EPB42: variants seen among roughly 807,000 people sequenced by gnomAD.
The protein encoded by EPB42 is protein 4.2.
EPB42 carries 49 observed loss-of-function variants against 76.9 expected under a neutral mutation model. The observed-to-expected ratio is 0.64, with a 90% CI of 0.51 to 0.81. The LOEUF is 0.81. EPB42 is among the 30% of genes least tolerant of loss of function. EPB42 has a pLI of 0.00. For synonymous variants in EPB42, 310 were observed against 338.4 expected (o/e 0.92, Z 0.92); for missense variants, 731 against 867.6 (o/e 0.84, Z 1.98).
At chr15:43,216,597 A>T in intron 1 of EPB42, 144 bp from the exon 2 acceptor site, 1 of 812,956 alleles carries the variant, frequency 1.2e-6, no homozygotes, top group Admixed American at 2.1e-5. Flanking sequence ...CAAGTAACTT[A>T]ACCACCCTGA....
At chr15:43,222,646 C>T (rs2042472877), upstream of EPB42, among the ~76,000 whole-genome samples, 1 of 152,166 alleles carries the variant, frequency 6.6e-6, no homozygotes, top group African/African-American at 2.4e-5. Context: ...GTGTGACCAG[C>T]CTTCCTAGAT....
Position 43,197,390 on chromosome 15 carries a change from C to A in EPB42, c.1988G>T (p.Arg663Ile). 6.2e-7 allele frequency: 1 copy of A among 1,614,202 alleles called. No individual in the cohort carries two copies. The highest frequency in any genetic ancestry group is 8.5e-7 in the Non-Finnish European group (1 of 1,180,042). The change falls in exon 13 of 13, where the codon AGA becomes ATA. Residue 663 changes from arginine (R) to isoleucine (I), a missense_variant. Transcript: ENST00000441366. ...QFTPTHVGLQ[R>I]LTVEVDCNMF... ...GTTGCAGTCCACTTCCACAGTGAGT[C>A]TCTGGAGCCCCACATGTGTTGGCGT...
chr15:43,208,910 G>T, intron 6 of EPB42, 135 bp from the exon 7 acceptor site: 1 of 1,064,830 alleles, frequency 9.4e-7, no homozygotes, highest in Non-Finnish European at 1.3e-6. Flanking sequence ...CCTAGAAGTG[G>T]CAGCCAAGAA....
At chr15:43,212,475 C>T (rs774184007) in intron 3 of EPB42, among the ~76,000 whole-genome samples, 1 of 152,150 alleles carries the variant, frequency 6.6e-6, no homozygotes, top group Non-Finnish European at 1.5e-5. Flanking sequence ...AGGGAGCTTC[C>T]CAATGGCTTG....
At chr15:43,216,513 C>T in intron 1 of EPB42, 60 bp from the exon 2 acceptor site, 1 of 1,578,496 alleles carries the variant, frequency 6.3e-7, no homozygotes, top group Non-Finnish European at 8.7e-7. Flanking sequence ...TAAGTACAAG[C>T]AGAGATTCTG....
At chr15:43,208,095 T>C in intron 8 of EPB42, 135 bp downstream of exon 8, 1 of 750,602 alleles carries the variant, frequency 1.3e-6, no homozygotes, top group Non-Finnish European at 2.3e-6. Context: ...TTCTGCTGGC[T>C]GCTGTCATGC....
intron 2 of EPB42, 63 bp from the exon 3 acceptor site, chr15:43,215,391 G>C: frequency 6.5e-7 from 1 of 1,539,232 alleles, no homozygotes; most frequent in South Asian, 1.1e-5. Flanking sequence ...GAGTAATAAG[G>C]TCAGGGTATT....
At chr15:43,220,618 A>T in intron 1 of EPB42, 198 bp downstream of exon 1, 1 of 1,021,820 alleles carries the variant, frequency 9.8e-7, no homozygotes, top group Non-Finnish European at 1.5e-6. Flanking sequence ...CAGCCAGCTC[A>T]CTATCACCTC....
In EPB42 at chr15:43,208,746, C is replaced by T. The variant is rs765302713; in HGVS notation, c.862G>A (p.Val288Met). 11 of 1,614,018 alleles carry T rather than the reference C, an allele frequency of 6.8e-6. No homozygotes were observed. Among genetic ancestry groups the T allele is most frequent in the African/African-American group, 4.0e-5 (3 of 74,912 alleles). ...TGTGCTGAGGCAAACGTGGTCACCA[C>T]GCGGGCAGGGATTCCCAGGCATCGC... The part of the protein sequence containing the change: ...VLRCLGIPAR[V>M]VTTFASAQGT... Residue 288 changes from valine (V) to methionine (M), a missense_variant, in exon 7 of 13, where the codon GTG (valine) becomes ATG (methionine). Coordinates refer to ENST00000441366, the MANE Select transcript of EPB42 (RefSeq NM_001114134.2).
At chr15:43,218,835 T>G (rs1161400662) in intron 1 of EPB42, among the ~76,000 whole-genome samples, 1 of 152,232 alleles carries the variant, frequency 6.6e-6, no homozygotes, top group East Asian at 1.9e-4. Flanking sequence ...CATTGACTCC[T>G]GCCTCCCCTT....
At chr15:43,214,045 G>C (rs1000651321) in intron 3 of EPB42, among the ~76,000 whole-genome samples, 1 of 152,236 alleles carries the variant, frequency 6.6e-6, no homozygotes, top group African/African-American at 2.4e-5. Flanking sequence ...GCCTCCTTCA[G>C]GCTGGCAGCA....
intron 12 of EPB42, 84 bp downstream of exon 12, chr15:43,201,760 G>C (rs2042129173): frequency 3.1e-6 from 5 of 1,587,648 alleles, no homozygotes; most frequent in Non-Finnish European, 4.3e-6. Context: ...CATGGACATG[G>C]CAAAGAGAGA....
At chr15:43,207,081 T>G in intron 9 of EPB42, 118 bp downstream of exon 9, 4 of 1,479,630 alleles carry the variant, frequency 2.7e-6, no homozygotes, top group Middle Eastern at 2.4e-4. Context: ...TGAGAAACCC[T>G]GTTTTATATG....
Position 43,209,363 on chromosome 15 carries a change from C to T in EPB42, c.743G>A (p.Ser248Asn). The change falls in exon 6 of 13, where the codon AGC (serine) becomes AAC (asparagine). Residue 248 changes from serine to asparagine, a missense_variant. By Grantham distance (46) the Ser-to-Asn change is conservative. Transcript: ENST00000441366. Reference protein sequence around the residue: ...EGALLNKRRGSVPILRQWLTG... With the variant: ...EGALLNKRRGNVPILRQWLTG... ...GAGCCACTGCCGCAGGATGGGCACG[C>T]TGCCCCGGCGCTTGTTCAGCAAGGC... is the stretch of plus-strand genomic sequence containing the variant. 1 of 1,614,096 alleles carries T rather than the reference C, an allele frequency of 6.2e-7. No individual in the cohort carries two copies. Among genetic ancestry groups the T allele is most frequent in the Non-Finnish European group, 8.5e-7 (1 of 1,180,012 alleles).
chr15:43,199,418 C>T (rs1374759679), intron 12 of EPB42, among the ~76,000 whole-genome samples: 1 of 152,138 alleles, frequency 6.6e-6, no homozygotes, highest in African/African-American at 2.4e-5. Context: ...TGCATGGGCC[C>T]TGTAACTCCT....
intron 1 of EPB42, 81 bp from the exon 2 acceptor site, chr15:43,216,534 G>T: frequency 6.7e-7 from 1 of 1,492,428 alleles, no homozygotes; most frequent in Non-Finnish European, 9.2e-7. Context: ...GAGTCAGAGA[G>T]ACCAGGGTTC....
At chr15:43,203,087 G>A (rs2042149893) in intron 11 of EPB42, 28 bp downstream of exon 11, 1 of 1,613,606 alleles carries the variant, frequency 6.2e-7, no homozygotes, top group Non-Finnish European at 8.5e-7. Flanking sequence ...GGCAGACGAG[G>A]GCAACTCAGG....
At chr15:43,224,123 C>A (rs549073943), upstream of EPB42, among the ~76,000 whole-genome samples, 1 of 152,306 alleles carries the variant, frequency 6.6e-6, no homozygotes, top group African/African-American at 2.4e-5. Context: ...AGTTCAAGAT[C>A]AGGGCCTTTA....
At chr15:43,205,384 G>A (rs1227492966) in intron 10 of EPB42, among the ~76,000 whole-genome samples, 1 of 152,144 alleles carries the variant, frequency 6.6e-6, no homozygotes, top group African/African-American at 2.4e-5. Context: ...ATTCTGATGT[G>A]TTCCACCATG....
Sources: allele counts gnomAD v4.1 joint callset (sites outside exome capture counted in the v4.1 genomes callset), GRCh38; gene constraint gnomAD v4.1.1; transcripts MANE v1.5; gene names NCBI Gene and HGNC (gene_info 2026-07-23, HGNC 2026-07-21).